The following SUPT3H variants were observed in gnomAD, a reference collection of about 807,000 sequenced individuals.
The protein encoded by SUPT3H is transcription initiation protein SPT3 homolog.
In SUPT3H, 44 loss-of-function variants were observed where a neutral mutation model predicts 44.3. The observed-to-expected ratio is 0.99, with a 90% CI of 0.78 to 1.28. The LOEUF is 1.28. SUPT3H is among the 50% of genes most tolerant of loss of function. The pLI is 0.00. For missense variants in SUPT3H, 380 were observed against 387.1 expected, an observed-to-expected ratio of 0.98 and a Z score of 0.15; for synonymous variants, 124 against 125.6, an observed-to-expected ratio of 0.99 and a Z score of 0.09.
intron 9 of SUPT3H, among the ~76,000 whole-genome samples, chr6:44,941,164 G>A (rs915866824): frequency 6.6e-6 from 1 of 151,954 alleles, no homozygotes; most frequent in African/African-American, 2.4e-5. Context: ...TGGTTTGGTG[G>A]AATTCTGCCA....
chr6:45,072,629 T>C (rs949071771), intron 3 of SUPT3H, among the ~76,000 whole-genome samples: 3 of 101,026 alleles, frequency 3.0e-5, no homozygotes, highest in East Asian at 2.9e-4. Flanking sequence ...TTGGGCATTA[T>C]TGTTTCACTT....
chr6:45,046,416 C>T (rs1332046061), intron 3 of SUPT3H, among the ~76,000 whole-genome samples: 8 of 152,246 alleles, frequency 5.3e-5, no homozygotes, highest in Admixed American at 2.6e-4. Flanking sequence ...CTGCAACCTC[C>T]GCCTGCCAGA....
chr6:44,823,408 G>A (rs1767500317), downstream of SUPT3H, among the ~76,000 whole-genome samples: 1 of 152,106 alleles, frequency 6.6e-6, no homozygotes, highest in African/African-American at 2.4e-5. Context: ...GAGGCAGATT[G>A]ATTTTGCATA....
At chr6:44,935,334 GAATT>G (rs1226688029) in intron 9 of SUPT3H, among the ~76,000 whole-genome samples, 1 of 152,044 alleles carries the variant, frequency 6.6e-6, no homozygotes, top group African/African-American at 2.4e-5. Flanking sequence ...TGCTTCAGAA[GAATT>G]AACATAAAAT....
At chr6:45,210,571 T>C (rs1480218012) in intron 2 of SUPT3H, among the ~76,000 whole-genome samples, 2 of 152,192 alleles carry the variant, frequency 1.3e-5, no homozygotes, top group Non-Finnish European at 2.9e-5. Context: ...TTACACATAT[T>C]GATTGATATC....
intron 10 of SUPT3H, among the ~76,000 whole-genome samples, chr6:44,921,338 T>A (rs1452758830): frequency 6.6e-6 from 1 of 152,244 alleles, no homozygotes; most frequent in Non-Finnish European, 1.5e-5. Flanking sequence ...TACTTTGGAT[T>A]GTTTTTCTAG....
At chr6:45,297,747 T>G (rs116462126) in intron 2 of SUPT3H, among the ~76,000 whole-genome samples, 1 of 152,130 alleles carries the variant, frequency 6.6e-6, no homozygotes, top group Non-Finnish European at 1.5e-5. Context: ...TAATGGTATA[T>G]AAAATTTTAA....
chr6:44,952,568 C>T (rs776246522), intron 9 of SUPT3H, among the ~76,000 whole-genome samples: 1 of 152,206 alleles, frequency 6.6e-6, no homozygotes, highest in East Asian at 1.9e-4. Flanking sequence ...CGAACTTAAC[C>T]TTCTTGCTGT....
chr6:45,350,193 GTT>G (rs749687307), intron 2 of SUPT3H, among the ~76,000 whole-genome samples: 1 of 152,114 alleles, frequency 6.6e-6, no homozygotes, highest in Non-Finnish European at 1.5e-5. Flanking sequence ...AGGATTTTGT[GTT>G]TGTTTTATTC....
intron 2 of SUPT3H, among the ~76,000 whole-genome samples, chr6:45,316,666 A>C (rs982511005): frequency 6.6e-6 from 1 of 152,200 alleles, no homozygotes; most frequent in African/African-American, 2.4e-5. Context: ...CTCATTAACA[A>C]TAGCTACCAA....
chr6:45,064,022 T>C (rs966375414), intron 3 of SUPT3H, among the ~76,000 whole-genome samples: 1 of 67,996 alleles, frequency 1.5e-5, no homozygotes, highest in African/African-American at 6.7e-5. Context: ...TTCACCAAAG[T>C]TGAAATGAAG....
intron 9 of SUPT3H, among the ~76,000 whole-genome samples, chr6:44,950,247 CAT>C (rs773267322): frequency 2.0e-5 from 3 of 152,182 alleles, no homozygotes; most frequent in African/African-American, 4.8e-5. Context: ...CTCCTTTAGA[CAT>C]GCTCCACTGT....
chr6:45,201,877 AAC>A (rs1486747017), intron 2 of SUPT3H, among the ~76,000 whole-genome samples: 6 of 151,858 alleles, frequency 4.0e-5, no homozygotes, highest in African/African-American at 1.4e-4. Flanking sequence ...TTAAAATATT[AAC>A]AGTTTTATAT....
chr6:44,845,751 A>G (rs1192199577), intron 10 of SUPT3H, among the ~76,000 whole-genome samples: 1 of 152,226 alleles, frequency 6.6e-6, no homozygotes, highest in Non-Finnish European at 1.5e-5. Flanking sequence ...GCATGAGCCC[A>G]GGCCACTGAG....
At chr6:45,127,142 C>T (rs1342757206) in intron 2 of SUPT3H, among the ~76,000 whole-genome samples, 4 of 152,048 alleles carry the variant, frequency 2.6e-5, no homozygotes, top group Admixed American at 6.5e-5. Flanking sequence ...GGTGAAACCC[C>T]GTCTCCACTA....
intron 3 of SUPT3H, among the ~76,000 whole-genome samples, chr6:45,037,724 TA>T (rs1329550209): frequency 2.7e-5 from 4 of 148,138 alleles, no homozygotes; most frequent in Non-Finnish European, 6.0e-5. Flanking sequence ...GAATTTAAGA[TA>T]AAATAAAAGG....
At chr6:45,116,593 T>C (rs1465376077) in intron 2 of SUPT3H, among the ~76,000 whole-genome samples, 2 of 152,218 alleles carry the variant, frequency 1.3e-5, no homozygotes, top group Non-Finnish European at 2.9e-5. Flanking sequence ...GGATTAGCTT[T>C]GTCCCCTGGA....
chr6:45,248,349 G>T (rs1432822071), intron 2 of SUPT3H, among the ~76,000 whole-genome samples: 1 of 151,850 alleles, frequency 6.6e-6, no homozygotes, highest in Non-Finnish European at 1.5e-5. Flanking sequence ...ATGAGACAAA[G>T]GACTTCTAAA....
chr6:44,822,324 A>C (rs747549602), downstream of SUPT3H, among the ~76,000 whole-genome samples: 69 of 152,230 alleles, frequency 4.5e-4, no homozygotes, highest in Admixed American at 1.9e-3. Context: ...TGTTATTTTT[A>C]GTCTAAATAG....
Sources: allele counts gnomAD v4.1 joint callset (sites outside exome capture counted in the v4.1 genomes callset), GRCh38; gene constraint gnomAD v4.1.1; transcripts MANE v1.5; gene names NCBI Gene and HGNC (gene_info 2026-07-23, HGNC 2026-07-21).